The following SYNE2 variants were observed in gnomAD, a reference collection of about 807,000 sequenced individuals.
The protein encoded by SYNE2 is nesprin-2.
In SYNE2, 431 loss-of-function variants were observed where a neutral mutation model predicts 856.3. The observed-to-expected ratio is 0.50, with a 90% CI of 0.47 to 0.55. SYNE2 has a LOEUF of 0.55. Among genes scored for constraint, SYNE2 ranks in the 20% least tolerant of loss-of-function variants. The pLI is 0.00. For synonymous variants in SYNE2, 2,923 were observed against 2,872.3 expected (o/e 1.02, Z -0.56); for missense variants, 8,129 against 8,023.2 (o/e 1.01, Z -0.50).
At chr14:64,134,314 C>A in intron 78 of SYNE2, 114 bp downstream of exon 78, 1 of 1,098,764 alleles carries the variant, frequency 9.1e-7, no homozygotes, top group Non-Finnish European at 1.4e-6. Context: ...AAATGTTCAT[C>A]ATACAACTCA....
At chr14:63,926,986 G>A (rs982375078) in intron 2 of SYNE2, among the ~76,000 whole-genome samples, 2 of 152,232 alleles carry the variant, frequency 1.3e-5, no homozygotes, top group Non-Finnish European at 2.9e-5. Context: ...CCTGTGGCAG[G>A]TGGGAACATA....
chr14:64,000,799 T>TTAAA, intron 28 of SYNE2, 80 bp downstream of exon 28: 2 of 1,262,934 alleles, frequency 1.6e-6, no homozygotes, highest in Non-Finnish European at 2.3e-6. Flanking sequence ...AGATTCTTGC[T>TTAAA]ATACTAAGTA....
chr14:63,954,928 C>G lies in SYNE2; in HGVS notation c.787+13C>G, dbSNP rs2096221295. 6.2e-7 allele frequency: 1 copy of G among 1,604,410 alleles called. No individual in the cohort carries two copies. Among genetic ancestry groups the G allele is most frequent in the Non-Finnish European group, 8.5e-7 (1 of 1,174,310 alleles). ...CTGGAACCAGAAGGTAAAGAAGCTT[C>G]TTTGTTTTTAAAACAATCTTTAAGG... On this transcript the variant is annotated intron_variant, in intron 8 of 115. Transcript: ENST00000555002.
At chr14:64,122,604 T>A in intron 70 of SYNE2, 177 bp downstream of exon 70, 1 of 775,534 alleles carries the variant, frequency 1.3e-6, no homozygotes, top group Non-Finnish European at 2.2e-6. Flanking sequence ...TTTGTGCTTC[T>A]GTAGCACCCA....
rs537649754 is a variant in SYNE2, at chr14:63,788,059, C to T, written c.-305+26073C>T. Among the ~76,000 whole-genome samples, 14 of 152,352 alleles carry T rather than the reference C, an allele frequency of 9.2e-5. No homozygotes were observed. In the South Asian group the frequency reaches 1.9e-3, roughly 20 times the overall value. On this transcript the variant is annotated intron_variant, in intron 1 of 23. Coordinates refer to the SYNE2 transcript ENST00000674003. ...CTCGTGGGTGCCCAAATTCTGGAGG[C>T]AGCAGAGGCGGCAGAGGGCTGGCGT...
At chr14:63,960,090 C>T (rs1566914062) in intron 8 of SYNE2, among the ~76,000 whole-genome samples, 1 of 152,030 alleles carries the variant, frequency 6.6e-6, no homozygotes, top group East Asian at 1.9e-4. Context: ...CGTGTGGCTT[C>T]GTATATAATA....
rs548688292 is a variant in SYNE2 at position 63,939,878 on chromosome 14, C to T, written c.80-736C>T. On this transcript the variant is annotated intron_variant, in intron 2 of 115. Transcript: ENST00000555002. Reference sequence around the variant, plus strand: ...AGCCCATTTACAGTTAATTCAGTGGCGATATATTCTCCATGATAAATGTTA... The same window carrying T: ...AGCCCATTTACAGTTAATTCAGTGGTGATATATTCTCCATGATAAATGTTA... Among the ~76,000 whole-genome samples the T allele has an allele frequency of 5.8e-4, 88 of 152,186 alleles. 1 individual carries two copies. The highest frequency in any genetic ancestry group is 1.6e-3 in the Admixed American group (25 of 15,292).
chr14:64,183,075 C>T (rs1326026250), intron 96 of SYNE2, among the ~76,000 whole-genome samples: 14 of 147,882 alleles, frequency 9.5e-5, no homozygotes, highest in African/African-American at 2.1e-4. Flanking sequence ...CCTCACTTCC[C>T]GGACGGGGCG....
intron 95 of SYNE2, among the ~76,000 whole-genome samples, chr14:64,177,098 C>T (rs1486059886): frequency 6.6e-6 from 1 of 152,010 alleles, no homozygotes; most frequent in Non-Finnish European, 1.5e-5. Flanking sequence ...ATGCCCAGCC[C>T]GGAAGAACTA....
intron 1 of SYNE2, among the ~76,000 whole-genome samples, chr14:63,763,812 G>A (rs527783819): frequency 4.8e-4 from 73 of 152,218 alleles, no homozygotes; most frequent in Middle Eastern, 3.4e-3. Flanking sequence ...CCACAAGAGC[G>A]CATGCCCTCA....
chr14:63,866,752 A>T (rs1394713065), intron 1 of SYNE2, among the ~76,000 whole-genome samples: 2 of 151,868 alleles, frequency 1.3e-5, no homozygotes, highest in African/African-American at 4.8e-5. Flanking sequence ...CAGGAGAATC[A>T]CTCGAGCCCA....
At chr14:63,931,561 A>AAG (rs1555384284) in intron 2 of SYNE2, among the ~76,000 whole-genome samples, 10 of 151,186 alleles carry the variant, frequency 6.6e-5, no homozygotes, top group African/African-American at 2.2e-4. Flanking sequence ...AAAAAAAAAA[A>AAG]AAAGAAAGAA....
chr14:64,224,224 G>A (rs2098707849), intron 113 of SYNE2, among the ~76,000 whole-genome samples: 1 of 150,802 alleles, frequency 6.6e-6, no homozygotes, highest in Non-Finnish European at 1.5e-5. Context: ...GTGTGGTGGT[G>A]CATGCCTATA....
intron 85 of SYNE2, among the ~76,000 whole-genome samples, chr14:64,154,335 C>A (rs1315254527): frequency 6.6e-6 from 1 of 151,994 alleles, no homozygotes; most frequent in Non-Finnish European, 1.5e-5. Context: ...TTCATCAAAA[C>A]TAAACACCTT....
At chr14:63,985,699 A>C (rs889416643) in intron 18 of SYNE2, among the ~76,000 whole-genome samples, 1 of 152,212 alleles carries the variant, frequency 6.6e-6, no homozygotes, top group Non-Finnish European at 1.5e-5. Context: ...AAAAATTTGC[A>C]AAGTGATATA....
At chr14:64,061,580 G>A (rs2097317514) in intron 49 of SYNE2, among the ~76,000 whole-genome samples, 1 of 152,108 alleles carries the variant, frequency 6.6e-6, no homozygotes, top group African/African-American at 2.4e-5. Flanking sequence ...GTATTTCATC[G>A]TGGTTTTAAT....
intron 61 of SYNE2, among the ~76,000 whole-genome samples, chr14:64,096,608 A>C (rs1270047994): frequency 6.6e-6 from 1 of 152,210 alleles, no homozygotes; most frequent in Non-Finnish European, 1.5e-5. Flanking sequence ...ATTTAAGTCA[A>C]ACAGTTGTTA....
Position 64,031,207 on chromosome 14 carries a change from C to A in SYNE2, c.7071C>A (p.Leu2357=), listed in dbSNP as rs750860738. ...CTAAGCAGGAGATGGAATGTTGTCT[C>A]AACAGCATTCTCAAATCAAAACGCT... The part of the protein sequence containing the change: ...ASAKQEMECC[L]NSILKSKRST... Residue 2357 remains leucine, a synonymous_variant, in exon 45 of 116, where the codon CTC becomes CTA. Transcript: ENST00000555002. 6.4e-5 allele frequency: 103 copies of A among 1,613,918 alleles called. No individual in the cohort carries two copies. The highest frequency in any genetic ancestry group is 8.5e-5 in the Non-Finnish European group (100 of 1,179,938).
chr14:64,075,819 TG>T, intron 53 of SYNE2, 125 bp from the exon 54 acceptor site: 1 of 936,420 alleles, frequency 1.1e-6, no homozygotes, highest in South Asian at 1.4e-5. Context: ...GTATCACTAG[TG>T]GGGTTTTGTC....
Sources: gnomAD v4.1 joint callset for allele counts (sites outside exome capture counted in the v4.1 genomes callset) on GRCh38, gnomAD v4.1.1 for gene constraint, MANE v1.5 for transcripts, NCBI Gene and HGNC (gene_info 2026-07-23, HGNC 2026-07-21) for gene names.